PBK: variants seen among roughly 807,000 people sequenced by gnomAD.
PBK encodes lymphokine-activated killer T-cell-originated protein kinase.
PBK carries 22 observed loss-of-function variants against 33.5 expected under a neutral mutation model. That is an observed-to-expected ratio of 0.66 (90% CI 0.47 to 0.94). PBK has a LOEUF of 0.94. Among genes scored for constraint, PBK ranks in the 40% least tolerant of loss-of-function variants. The pLI, the probability that PBK is intolerant of heterozygous loss-of-function variation, is 0.00. For synonymous variants in PBK, 129 were observed against 123.8 expected (o/e 1.04, Z -0.28); for missense variants, 376 against 383.4 (o/e 0.98, Z 0.16).
chr8:27,836,666 T>C (rs531217532), intron 1 of PBK, among the ~76,000 whole-genome samples: 3 of 152,138 alleles, frequency 2.0e-5, no homozygotes, highest in African/African-American at 4.8e-5. Context: ...GGAAATCTTA[T>C]GATGAGCCTT....
Position 27,829,837 on chromosome 8 carries a change from A to T in PBK, c.59-1639T>A, listed in dbSNP as rs868748988. Among the ~76,000 whole-genome samples the T allele has an allele frequency of 1.2e-4, 18 of 148,706 alleles. 1 individual carries two copies. The highest frequency in any genetic ancestry group is 8.6e-4 in the South Asian group (4 of 4,632). Reference sequence around the variant, plus strand: ...AGCTGAGATAGCGCCATTGCACTCCAGCCTGGGCGACAGGGCACAAGACTC... The same window carrying T: ...AGCTGAGATAGCGCCATTGCACTCCTGCCTGGGCGACAGGGCACAAGACTC... On this transcript the variant is annotated intron_variant, in intron 2 of 7. Transcript: ENST00000301905.
intron 6 of PBK, chr8:27,812,219 C>CTAGT (rs1465320079): frequency 6.6e-6 from 1 of 152,126 alleles, no homozygotes; most frequent in Non-Finnish European, 1.5e-5. Flanking sequence ...CCTTCTATTT[C>CTAGT]TAGTTAGCTG....
intron 6 of PBK, among the ~76,000 whole-genome samples, chr8:27,817,254 A>G (rs571969158): frequency 5.3e-5 from 8 of 152,206 alleles, no homozygotes; most frequent in Non-Finnish European, 7.4e-5. Flanking sequence ...AAATACTCTC[A>G]TATGTAACCT....
At chr8:27,827,344 C>T (rs1279943453) in intron 3 of PBK, among the ~76,000 whole-genome samples, 2 of 152,064 alleles carry the variant, frequency 1.3e-5, no homozygotes, top group Admixed American at 6.5e-5. Flanking sequence ...GGCCAGAGTT[C>T]GAGACCAGCC....
intron 5 of PBK, among the ~76,000 whole-genome samples, chr8:27,820,912 C>T (rs574967800): frequency 1.3e-5 from 2 of 151,962 alleles, no homozygotes; most frequent in South Asian, 4.2e-4. Context: ...CAACCTCCGC[C>T]TCCTGGGTTC....
intron 3 of PBK, among the ~76,000 whole-genome samples, chr8:27,826,753 G>A (rs972465263): frequency 3.0e-5 from 3 of 101,024 alleles, no homozygotes; most frequent in African/African-American, 4.8e-5. Flanking sequence ...CCGAGATCGC[G>A]CCACTGCACT....
intron 4 of PBK, 129 bp downstream of exon 4, chr8:27,822,929 ATTAAT>A: frequency 1.7e-6 from 1 of 593,242 alleles, no homozygotes; most frequent in Admixed American, 3.7e-5. Flanking sequence ...GACCAATCAC[ATTAAT>A]TTGATACCCA....
rs1347948062 is a variant in PBK, at chr8:27,822,405, T to G, written c.379A>C (p.Ile127Leu). Residue 127 changes from isoleucine (I) to leucine (L), a missense_variant, in exon 5 of 8, where the codon ATA becomes CTA. Ile to Leu is a conservative substitution (Grantham distance 5, BLOSUM62 2). Transcript: ENST00000301905. ...YGGEKSLNDLIEERYKASQDP... is the reference protein window; with the variant it reads ...YGGEKSLNDLLEERYKASQDP... ...TGGCTGGCTTTATATCGTTCTTCTA[T>G]TAAGTCATTTAGAGACTTTTCACCT... The G allele has an allele frequency of 1.2e-6, 2 of 1,613,140 alleles. No homozygotes were observed. Among genetic ancestry groups the G allele is most frequent in the Non-Finnish European group, 1.7e-6 (2 of 1,179,262 alleles).
intron 3 of PBK, among the ~76,000 whole-genome samples, chr8:27,823,659 G>A (rs556054895): frequency 6.6e-6 from 1 of 152,142 alleles, no homozygotes; most frequent in African/African-American, 2.4e-5. Context: ...ACAGCATGCT[G>A]TTCTTATTGC....
At chr8:27,821,684 G>A (rs1219645533) in intron 5 of PBK, among the ~76,000 whole-genome samples, 5 of 152,150 alleles carry the variant, frequency 3.3e-5, no homozygotes, top group Non-Finnish European at 5.9e-5. Flanking sequence ...AGATACAACT[G>A]CAGATTTCAA....
chr8:27,823,914 G>A (rs1162233512), intron 3 of PBK, among the ~76,000 whole-genome samples: 1 of 151,980 alleles, frequency 6.6e-6, no homozygotes, highest in Admixed American at 6.6e-5. Context: ...AAATACTTAA[G>A]TATATGCAGC....
chr8:27,811,851 T>G (rs1412603966), intron 6 of PBK: 1 of 152,262 alleles, frequency 6.6e-6, no homozygotes, highest in Non-Finnish European at 1.5e-5. Context: ...ACAGAGGTTT[T>G]AGACTTTTTT....
At chr8:27,816,232 CTG>C (rs1227118204) in intron 6 of PBK, among the ~76,000 whole-genome samples, 2 of 151,794 alleles carry the variant, frequency 1.3e-5, no homozygotes, top group Non-Finnish European at 2.9e-5. Flanking sequence ...CAGGGTAAGA[CTG>C]TGTCTGTCTC....
chr8:27,835,294 C>T (rs1806206991), intron 1 of PBK, among the ~76,000 whole-genome samples: 1 of 152,064 alleles, frequency 6.6e-6, no homozygotes, highest in Non-Finnish European at 1.5e-5. Context: ...CTGAGAACAC[C>T]GAAGAGCCCC....
chr8:27,827,860 A>AG (rs1467261902), intron 3 of PBK, among the ~76,000 whole-genome samples: 3 of 152,206 alleles, frequency 2.0e-5, no homozygotes, highest in African/African-American at 7.2e-5. Flanking sequence ...ATGGAAGCCA[A>AG]GGAAAAATTA....
intron 5 of PBK, 125 bp downstream of exon 5, chr8:27,822,194 C>A: frequency 1.4e-6 from 1 of 694,694 alleles, no homozygotes; most frequent in Non-Finnish European, 2.4e-6. Context: ...TTTCCGCTAA[C>A]CCCTTTTTGG....
At chr8:27,825,120 C>T (rs1563493265) in intron 3 of PBK, among the ~76,000 whole-genome samples, 1 of 152,212 alleles carries the variant, frequency 6.6e-6, no homozygotes, top group East Asian at 1.9e-4. Flanking sequence ...TGACTTAGCC[C>T]CAATGAACTG....
chr8:27,831,549 C>CTTGACCT (rs1554562010), intron 2 of PBK, among the ~76,000 whole-genome samples: 1 of 151,456 alleles, frequency 6.6e-6, no homozygotes, highest in East Asian at 1.9e-4. Context: ...ATTTGTAGAA[C>CTTGACCT]ATTGACATTT....
At chr8:27,823,964 A>C (rs1263500049) in intron 3 of PBK, among the ~76,000 whole-genome samples, 1 of 152,082 alleles carries the variant, frequency 6.6e-6, no homozygotes, top group Non-Finnish European at 1.5e-5. Flanking sequence ...TCAGAAGTTT[A>C]AGACAGAAAG....
Sources: allele counts gnomAD v4.1 joint callset (sites outside exome capture counted in the v4.1 genomes callset), GRCh38; gene constraint gnomAD v4.1.1; transcripts MANE v1.5; gene names NCBI Gene and HGNC (gene_info 2026-07-23, HGNC 2026-07-21).